Variants in PCCA observed in about 807,000 individuals in gnomAD.
PCCA encodes the protein propionyl-CoA carboxylase alpha chain, mitochondrial.
A neutral mutation model predicts 101.3 loss-of-function variants in PCCA; 74 were observed. The ratio of observed to expected loss-of-function variants is 0.73; its 90% confidence interval spans 0.61 to 0.89. PCCA has a LOEUF of 0.89. PCCA is among the 40% of genes least tolerant of loss of function. PCCA has a pLI of 0.00. For missense variants in PCCA, 891 were observed against 907.0 expected (o/e 0.98, Z 0.23); for synonymous variants, 294 against 313.6 (o/e 0.94, Z 0.66).
At chr13:100,227,235 C>A (rs1324068430) in intron 7 of PCCA, among the ~76,000 whole-genome samples, 3 of 152,156 alleles carry the variant, frequency 2.0e-5, no homozygotes, top group African/African-American at 7.2e-5. Context: ...CCTCTGCCTC[C>A]CAAAGTGCTG....
chr13:100,173,203 G>C (rs558175996), intron 6 of PCCA, among the ~76,000 whole-genome samples: 1 of 152,338 alleles, frequency 6.6e-6, no homozygotes, highest in East Asian at 1.9e-4. Context: ...GGAAGAAAGA[G>C]AATAGTGGAA....
intron 12 of PCCA, among the ~76,000 whole-genome samples, chr13:100,286,988 GT>G (rs1473809843): frequency 6.6e-6 from 1 of 151,922 alleles, no homozygotes; most frequent in Non-Finnish European, 1.5e-5. Context: ...TTTCTTTCAT[GT>G]TTTCATCAAA....
At chr13:100,520,459 C>T (rs2087153131) in intron 22 of PCCA, among the ~76,000 whole-genome samples, 1 of 151,584 alleles carries the variant, frequency 6.6e-6, no homozygotes, top group African/African-American at 2.4e-5. Context: ...CACGGTGAAA[C>T]CCCGTCTCTA....
intron 22 of PCCA, chr13:100,527,314 T>A (rs1221648034): frequency 6.3e-6 from 3 of 476,732 alleles, no homozygotes; most frequent in South Asian, 4.6e-5. Flanking sequence ...CGAGTCTGTC[T>A]GTAGAGATCT....
At chr13:100,113,203 C>A (rs550430444) in intron 4 of PCCA, among the ~76,000 whole-genome samples, 1 of 152,304 alleles carries the variant, frequency 6.6e-6, no homozygotes, top group Admixed American at 6.5e-5. Flanking sequence ...GTGCTACAAA[C>A]CTGTGCAGCA....
In PCCA at chr13:100,431,450, T is replaced by G. The variant is rs371198252; in HGVS notation, c.1845+5719T>G. On this transcript the variant is annotated intron_variant, in intron 20 of 23. Coordinates refer to ENST00000376285, the MANE Select transcript of PCCA (RefSeq NM_000282.4). ...GAATTTTCAATATTTTCCTTTATGG[T>G]TTGTGTGTTTTGCGTTTGTGTAGAT... Among the ~76,000 whole-genome samples, 43 of 152,294 alleles carry G rather than the reference T, an allele frequency of 2.8e-4. No homozygotes were observed. The East Asian group carries it at 8.1e-3, about 29-fold the overall frequency.
intron 12 of PCCA, among the ~76,000 whole-genome samples, chr13:100,284,520 T>C (rs1470927031): frequency 6.6e-6 from 1 of 152,204 alleles, no homozygotes; most frequent in Admixed American, 6.5e-5. Context: ...ATTTGAAAGC[T>C]CAAGGCTTAG....
intron 19 of PCCA, among the ~76,000 whole-genome samples, chr13:100,391,261 C>T (rs2076786438): frequency 2.0e-5 from 3 of 152,158 alleles, no homozygotes; most frequent in Admixed American, 6.5e-5. Context: ...TATGAACCAC[C>T]ACACCCAGCC....
intron 12 of PCCA, among the ~76,000 whole-genome samples, chr13:100,283,987 C>T (rs2064359478): frequency 6.6e-6 from 1 of 152,154 alleles, no homozygotes; most frequent in Admixed American, 6.5e-5. Flanking sequence ...CTGAGGGTGC[C>T]CGGGGCAAGC....
intron 14 of PCCA, chr13:100,305,645 G>T: frequency 4.4e-6 from 1 of 226,402 alleles, no homozygotes; most frequent in Non-Finnish European, 9.2e-6. Context: ...TATATTTTCT[G>T]TTATGTAACC....
chr13:100,378,692 T>A (rs1475750435), intron 19 of PCCA, among the ~76,000 whole-genome samples: 1 of 152,182 alleles, frequency 6.6e-6, no homozygotes. Context: ...TTTGAGATTC[T>A]TTCTTCTGCT....
chr13:100,342,573 T>G (rs574124081), intron 18 of PCCA, among the ~76,000 whole-genome samples: 1 of 151,896 alleles, frequency 6.6e-6, no homozygotes, highest in Admixed American at 6.6e-5. Flanking sequence ...CAGCCTTACC[T>G]GTACAGTTTT....
chr13:100,377,089 C>T (rs974575932), intron 19 of PCCA, among the ~76,000 whole-genome samples: 4 of 152,274 alleles, frequency 2.6e-5, no homozygotes, highest in Admixed American at 6.5e-5. Flanking sequence ...TTGTGCTGCC[C>T]GGGTGAGGCA....
At chr13:100,341,838 G>A (rs2071361609) in intron 18 of PCCA, among the ~76,000 whole-genome samples, 1 of 151,722 alleles carries the variant, frequency 6.6e-6, no homozygotes, top group Non-Finnish European at 1.5e-5. Flanking sequence ...TTTTCAGAGA[G>A]TGCTGCCTTA....
intron 21 of PCCA, among the ~76,000 whole-genome samples, chr13:100,477,151 C>T (rs945597438): frequency 6.6e-6 from 1 of 152,136 alleles, no homozygotes; most frequent in Non-Finnish European, 1.5e-5. Flanking sequence ...TACGCTCTCT[C>T]GGCACAGTTT....
intron 4 of PCCA, among the ~76,000 whole-genome samples, chr13:100,119,575 C>A (rs2049160287): frequency 6.6e-6 from 1 of 152,170 alleles, no homozygotes; most frequent in South Asian, 2.1e-4. Flanking sequence ...TGAATAGGCT[C>A]ATGGTTTCTA....
At chr13:100,302,276 A>G (rs1029125020) in intron 13 of PCCA, among the ~76,000 whole-genome samples, 2 of 152,186 alleles carry the variant, frequency 1.3e-5, no homozygotes, top group Non-Finnish European at 2.9e-5. Flanking sequence ...CAAGATTAAA[A>G]ATAAATCAGT....
At chr13:100,097,762 GT>G (rs1594058006) in intron 1 of PCCA, among the ~76,000 whole-genome samples, 1 of 152,102 alleles carries the variant, frequency 6.6e-6, no homozygotes, top group East Asian at 1.9e-4. Context: ...TGTTAACAAA[GT>G]AAAGCAAAGA....
At chr13:100,107,686 T>G (rs1167267947) in intron 2 of PCCA, among the ~76,000 whole-genome samples, 1 of 152,222 alleles carries the variant, frequency 6.6e-6, no homozygotes, top group Non-Finnish European at 1.5e-5. Context: ...TTAAGGCAAG[T>G]GATTTGGCCT....
Sources: gnomAD v4.1 joint callset for allele counts (sites outside exome capture counted in the v4.1 genomes callset) on GRCh38, gnomAD v4.1.1 for gene constraint, MANE v1.5 for transcripts, NCBI Gene and HGNC (gene_info 2026-07-23, HGNC 2026-07-21) for gene names.